SIK3: variants seen among roughly 807,000 people sequenced by gnomAD.
SIK3 encodes serine/threonine-protein kinase SIK3.
Under a neutral mutation model 144.2 loss-of-function variants are expected in SIK3, and 28 were observed. The observed-to-expected ratio is 0.19, with a 90% CI of 0.14 to 0.27. The LOEUF is 0.27. Ranked by LOEUF, SIK3 falls within the 10% of genes least tolerant of loss-of-function variation. SIK3 has a pLI of 1.00. For synonymous variants in SIK3, 686 were observed against 676.3 expected (o/e 1.01, Z -0.22); for missense variants, 1,319 against 1,776.0 (o/e 0.74, Z 4.62).
intron 6 of SIK3, among the ~76,000 whole-genome samples, chr11:116,888,945 G>C (rs138186145): frequency 9.2e-5 from 14 of 152,160 alleles, no homozygotes; most frequent in Non-Finnish European, 1.8e-4. Flanking sequence ...AGCCGGCTCC[G>C]GGAAGGGTTC....
chr11:117,083,100 A>G (rs1347541516), intron 1 of SIK3, among the ~76,000 whole-genome samples: 1 of 152,238 alleles, frequency 6.6e-6, no homozygotes, highest in Non-Finnish European at 1.5e-5. Context: ...CTAAAAATCT[A>G]ACAACCATTG....
intron 1 of SIK3, among the ~76,000 whole-genome samples, chr11:117,072,996 C>A (rs1360264317): frequency 1.3e-5 from 2 of 152,166 alleles, no homozygotes; most frequent in Admixed American, 1.3e-4. Context: ...GAGAAGAATT[C>A]ATGATTATGT....
chr11:116,903,528 G>T (rs78694306), intron 4 of SIK3, among the ~76,000 whole-genome samples: 11,290 of 152,178 alleles, frequency 0.074, 506 homozygotes, highest in Middle Eastern at 0.11. Flanking sequence ...GAGTAAAAAA[G>T]AATGAGGAAG....
rs193187949 is a variant in SIK3, at chr11:116,870,239, C to T, written c.1808+92G>A. 23 of 1,579,320 alleles carry T rather than the reference C, an allele frequency of 1.5e-5. 2 individuals carry two copies. The South Asian group carries it at 2.2e-4, about 15-fold the overall frequency. On this transcript the variant is annotated intron_variant, in intron 14 of 24. Transcript: ENST00000445177. ...AGACCACACAAATGTTGAAGCTGCA[C>T]TCTACCACCTCCTTGGGCAGAGGTG...
chr11:117,078,414 C>CTTTTT (rs752116300), intron 1 of SIK3, among the ~76,000 whole-genome samples: 1 of 131,484 alleles, frequency 7.6e-6, no homozygotes, highest in African/African-American at 3.1e-5. Flanking sequence ...TGCATAACAC[C>CTTTTT]TTTTTTTTTT....
At chr11:116,853,284 TACAA>T (rs1231532755) in intron 21 of SIK3, among the ~76,000 whole-genome samples, 1 of 152,020 alleles carries the variant, frequency 6.6e-6, no homozygotes, top group African/African-American at 2.4e-5. Flanking sequence ...TTTTGGGGGG[TACAA>T]ACAGACTAAC....
At chr11:116,929,816 T>C (rs1947498646) in intron 3 of SIK3, among the ~76,000 whole-genome samples, 1 of 152,252 alleles carries the variant, frequency 6.6e-6, no homozygotes, top group South Asian at 2.1e-4. Context: ...CACTGAATAC[T>C]ATATAGGGAA....
chr11:116,920,929 A>G lies in SIK3; in HGVS notation c.616+6290T>C, dbSNP rs542989853. ...ATTAGACTGTACAATTAATGTGATA[A>G]TGAGTCATGACATGCCTTGTAACAT... On this transcript the variant is annotated intron_variant, in intron 4 of 24. Transcript: ENST00000445177. Among the ~76,000 whole-genome samples, 9 of 152,334 alleles carry G rather than the reference A, an allele frequency of 5.9e-5. No individual in the cohort carries two copies. In the South Asian group the frequency reaches 1.5e-3, roughly 25 times the overall value.
intron 3 of SIK3, among the ~76,000 whole-genome samples, chr11:116,949,357 A>AT (rs1948823797): frequency 6.6e-6 from 1 of 152,152 alleles, no homozygotes; most frequent in South Asian, 2.1e-4. Context: ...TCTTCCTCTC[A>AT]TTTACTGACC....
At chr11:117,041,184 T>C (rs949906597) in intron 1 of SIK3, among the ~76,000 whole-genome samples, 4 of 152,052 alleles carry the variant, frequency 2.6e-5, no homozygotes, top group African/African-American at 7.2e-5. Flanking sequence ...AAAGAAAGAA[T>C]TCCCCCAATT....
chr11:116,858,090 G>A lies in SIK3; in HGVS notation c.3375C>T (p.Pro1125=), dbSNP rs1383436954. Residue 1125 remains proline, a synonymous_variant, in exon 21 of 25, where the codon CCC becomes CCT. Coordinates refer to ENST00000445177, the MANE Select transcript of SIK3 (RefSeq NM_001366686.3). The surrounding 1 kb of genome is among the most constrained non-coding windows in gnomAD (Gnocchi z 5.4). The stretch of plus-strand genomic sequence containing the variant: ...GGTGAGCATACCCGTGGGGCGGGGT[G>A]GGTGAGGAAGCCTGTGAGACACATT... ...AQECVSQASS[P]TPPHGYAHQP... The A allele has an allele frequency of 3.7e-6, 6 of 1,613,924 alleles. No individual in the cohort carries two copies. The highest frequency in any genetic ancestry group is 1.1e-5 in the South Asian group (1 of 91,066).
intron 1 of SIK3, among the ~76,000 whole-genome samples, chr11:116,987,332 A>AAAAAAAAAAAC (rs1950358051): frequency 6.6e-6 from 1 of 151,136 alleles, no homozygotes. Flanking sequence ...AAAAAAAAAA[A>AAAAAAAAAAAC]AAAAAACACA....
intron 1 of SIK3, among the ~76,000 whole-genome samples, chr11:117,017,221 C>T (rs888284541): frequency 1.3e-5 from 2 of 152,094 alleles, no homozygotes; most frequent in African/African-American, 4.8e-5. Flanking sequence ...CATGCCACTG[C>T]ACTCCAGGGT....
At chr11:116,974,510 C>G (rs774657845) in intron 1 of SIK3, among the ~76,000 whole-genome samples, 4 of 152,122 alleles carry the variant, frequency 2.6e-5, no homozygotes, top group Non-Finnish European at 5.9e-5. Flanking sequence ...CTCAAGTGAT[C>G]CTCCCCAGCG....
intron 4 of SIK3, among the ~76,000 whole-genome samples, chr11:116,916,511 A>G (rs997865332): frequency 2.1e-5 from 3 of 141,258 alleles, no homozygotes; most frequent in African/African-American, 7.5e-5. Flanking sequence ...TATCACATCA[A>G]ATTTTTTTTT....
chr11:116,998,168 A>C (rs565527550), intron 1 of SIK3, among the ~76,000 whole-genome samples: 1 of 151,666 alleles, frequency 6.6e-6, no homozygotes, highest in African/African-American at 2.4e-5. Context: ...GATAATTTAA[A>C]AAAAAAAAAA....
At chr11:116,922,895 C>T (rs1947064805) in intron 4 of SIK3, among the ~76,000 whole-genome samples, 1 of 143,812 alleles carries the variant, frequency 7.0e-6, no homozygotes, top group Admixed American at 7.0e-5. Flanking sequence ...CTAATTTCTC[C>T]TTTTCTTTTC....
chr11:116,904,481 T>C (rs923082283), intron 4 of SIK3, among the ~76,000 whole-genome samples: 3 of 152,156 alleles, frequency 2.0e-5, no homozygotes, highest in African/African-American at 7.2e-5. Context: ...TTTCCTTTTT[T>C]TTTCCTCCAC....
rs559121476 is a variant in SIK3, at chr11:116,873,387, C to T, written c.1737+94G>A. 2.5e-4 allele frequency: 390 copies of T among 1,530,290 alleles called. 4 individuals carry two copies. The South Asian group carries it at 3.3e-3, about 13-fold the overall frequency. The allele number at this position is 1,530,290 out of a possible 1,614,324, so 94.8% of individuals were successfully genotyped here. ...AGTTTGGAGAAAAAGGAAATTCAGA[C>T]ATGTAGGTTGGCCCTGGGTTCCCAA... is the stretch of plus-strand genomic sequence containing the variant. On this transcript the variant is annotated intron_variant, in intron 13 of 24. Transcript: ENST00000445177.
Sources: gnomAD v4.1 joint callset for allele counts (sites outside exome capture counted in the v4.1 genomes callset) on GRCh38, gnomAD v4.1.1 for gene constraint, Gnocchi (gnomAD v3.1) non-coding constraint, MANE v1.5 for transcripts, NCBI Gene and HGNC (gene_info 2026-07-23, HGNC 2026-07-21) for gene names.